CAVIN1: variants seen among roughly 807,000 people sequenced by gnomAD.
CAVIN1 encodes the protein caveolae-associated protein 1.
CAVIN1 carries 16 observed loss-of-function variants against 24.0 expected under a neutral mutation model. The observed-to-expected ratio is 0.67, with a 90% CI of 0.45 to 1.01. The LOEUF (loss-of-function observed/expected upper bound fraction) is 1.01. CAVIN1 is among the 50% of genes least tolerant of loss of function. CAVIN1 has a pLI of 0.00. For missense variants in CAVIN1, 510 were observed against 551.7 expected (o/e 0.92, Z 0.76); for synonymous variants, 256 against 256.4 (o/e 1.00, Z 0.02).
At chr17:42,420,077 T>TCTC (rs3030865) in intron 1 of CAVIN1, among the ~76,000 whole-genome samples, 36,953 of 151,830 alleles carry the variant, frequency 0.24, 4,731 homozygotes, top group South Asian at 0.41. Context: ...CCCTTGGTGT[T>TCTC]CTCTGCCCCG....
Position 42,405,384 on chromosome 17 carries a change from T to G in CAVIN1, c.476A>C (p.Glu159Ala). Residue 159 changes from glutamate to alanine, a missense_variant, in exon 2 of 2, where the codon GAA becomes GCA. Physicochemically the swap from Glu to Ala is moderately radical, Grantham distance 107 (BLOSUM62 -1). Transcript: ENST00000357037. ...RNFKVMIYQD[E>A]VKLPAKLSIS... ...GCTCAGTTTGGCCGGCAGCTTCACT[T>G]CATCCTAAGGGAAGAGGAGAAGGGA... 1.2e-6 allele frequency: 2 copies of G among 1,604,222 alleles called. No homozygotes were observed. Among genetic ancestry groups the G allele is most frequent in the Non-Finnish European group, 1.7e-6 (2 of 1,179,934 alleles).
At chr17:42,405,691 T>TG (rs1555586088) in intron 1 of CAVIN1, among the ~76,000 whole-genome samples, 18 of 56,576 alleles carry the variant, frequency 3.2e-4, no homozygotes, top group East Asian at 8.4e-4. Context: ...TGTTTTTTTT[T>TG]TTTTTTTTTT....
rs1053908526 is a variant in CAVIN1, at chr17:42,422,917, T to C, written c.181A>G (p.Ile61Val). ...TGGATCTGGTCTACGGCCCCGATGA[T>C]TTTGTCCAGGAGGCTCAGCACCAGC... ...GVLVLSLLDK[I>V]IGAVDQIQLT... is the part of the protein sequence containing the mutation. The change falls in exon 1 of 2, where the codon ATC becomes GTC. Residue 61 changes from isoleucine (I) to valine (V), a missense_variant. Ile to Val is a conservative substitution (Grantham distance 29, BLOSUM62 3). Transcript: ENST00000357037. 5 of 1,613,996 alleles carry C rather than the reference T, an allele frequency of 3.1e-6. No individual in the cohort carries two copies. The highest frequency in any genetic ancestry group is 4.2e-6 in the Non-Finnish European group (5 of 1,179,984).
chr17:42,415,335 T>G (rs1032420377), intron 1 of CAVIN1, among the ~76,000 whole-genome samples: 3 of 152,218 alleles, frequency 2.0e-5, no homozygotes, highest in East Asian at 1.9e-4. Context: ...GGCTAGTGAC[T>G]TCCCCTCTCT....
intron 1 of CAVIN1, among the ~76,000 whole-genome samples, chr17:42,419,332 G>T (rs1016027405): frequency 6.9e-6 from 1 of 144,896 alleles, no homozygotes; most frequent in East Asian, 2.0e-4. Context: ...TATTATTTTT[G>T]AGATGGAGTC....
In CAVIN1 at chr17:42,404,810, CTCG is replaced by C. The variant is rs767832643; in HGVS notation, c.1047_1049del (p.Asp349del). On this transcript the variant is annotated inframe_deletion, in exon 2 of 2. Coordinates refer to ENST00000357037, the MANE Select transcript of CAVIN1 (RefSeq NM_012232.6). ...CGGCCTCCCCGCGCTCCGCGCCGCC[CTCG>C]TCGTCGTCGGCGCCCACCTCCACCA... 8.6e-5 allele frequency: 139 copies of C among 1,611,694 alleles called. No homozygotes were observed. The African/African-American group carries it at 9.3e-4, about 11-fold the overall frequency.
chr17:42,410,693 T>C (rs2085470018), intron 1 of CAVIN1, among the ~76,000 whole-genome samples: 1 of 150,968 alleles, frequency 6.6e-6, no homozygotes, highest in African/African-American at 2.4e-5. Context: ...GTGGGCAGAT[T>C]ACGAGGTCAG....
In CAVIN1 at chr17:42,423,087, G is replaced by A. The variant is rs2085567690; in HGVS notation, c.11C>T (p.Pro4Leu). ...CGGCCGCTCGACAATATAGAGCGTG[G>A]GGTCCTCCATGGCTACCCGGAGCCG... Reference protein sequence around the residue: MEDPTLYIVERPLP... With the variant: MEDLTLYIVERPLP... The change falls in exon 1 of 2, where the codon CCC (proline) becomes CTC (leucine). Residue 4 changes from proline (P) to leucine (L), a missense_variant. Coordinates refer to ENST00000357037, the MANE Select transcript of CAVIN1 (RefSeq NM_012232.6). The A allele has an allele frequency of 1.3e-6, 2 of 1,584,546 alleles. No individual in the cohort carries two copies. Among genetic ancestry groups the A allele is most frequent in the Admixed American group, 1.8e-5 (1 of 56,042 alleles).
chr17:42,417,965 C>T (rs1400611723), intron 1 of CAVIN1, among the ~76,000 whole-genome samples: 2 of 151,834 alleles, frequency 1.3e-5, no homozygotes. Flanking sequence ...ATGGCTATTG[C>T]ACCTTTTCTA....
chr17:42,420,952 T>G (rs2085541315), intron 1 of CAVIN1, among the ~76,000 whole-genome samples: 1 of 152,144 alleles, frequency 6.6e-6, no homozygotes, highest in Non-Finnish European at 1.5e-5. Flanking sequence ...ATGTCCCCAG[T>G]ACTAAGCAGG....
chr17:42,422,583 G>T, intron 1 of CAVIN1, 44 bp downstream of exon 1: 2 of 1,476,000 alleles, frequency 1.4e-6, no homozygotes, highest in Non-Finnish European at 1.8e-6. Context: ...GGGGACGCGG[G>T]CCGGGCGCGG....
intron 1 of CAVIN1, among the ~76,000 whole-genome samples, chr17:42,406,122 T>C (rs1035121448): frequency 3.3e-5 from 5 of 151,950 alleles, no homozygotes; most frequent in African/African-American, 1.2e-4. Context: ...TCTGTGGTCG[T>C]CCAACCCTGT....
intron 1 of CAVIN1, among the ~76,000 whole-genome samples, chr17:42,415,767 T>A (rs2085508263): frequency 6.6e-6 from 1 of 151,494 alleles, no homozygotes; most frequent in African/African-American, 2.4e-5. Flanking sequence ...AAGAAAAATT[T>A]AAAAAATGCT....
chr17:42,414,207 G>A (rs1332496643), intron 1 of CAVIN1, among the ~76,000 whole-genome samples: 3 of 152,018 alleles, frequency 2.0e-5, no homozygotes, highest in African/African-American at 7.2e-5. Flanking sequence ...AGATTAATCT[G>A]TTTTCATTCT....
At position 42,404,693 on chromosome 17, in the gene CAVIN1, G is replaced by A. The variant is rs1347532165; in HGVS notation, c.1167C>T (p.Ser389=). 6.2e-6 allele frequency: 9 copies of A among 1,461,880 alleles called. No individual in the cohort carries two copies. The highest frequency in any genetic ancestry group is 8.1e-6 in the Non-Finnish European group (9 of 1,112,494). The allele number at this position is 1,461,880 out of a possible 1,614,324, so 90.6% of individuals were successfully genotyped here. Residue 389 remains serine (S), a synonymous_variant, in exon 2 of 2, where the codon AGC becomes AGT. Coordinates refer to ENST00000357037, the MANE Select transcript of CAVIN1 (RefSeq NM_012232.6). ...GGGTGGCAGCGGGGGCGGCTCAGTCGCTGTCGCTCTTGTCCACCAGCACGG... is the reference window on the plus strand; with the variant it reads ...GGGTGGCAGCGGGGGCGGCTCAGTCACTGTCGCTCTTGTCCACCAGCACGG... ...SDAVLVDKSD[S]D
intron 1 of CAVIN1, among the ~76,000 whole-genome samples, chr17:42,406,970 T>G (rs1260664364): frequency 1.3e-5 from 2 of 152,126 alleles, no homozygotes; most frequent in African/African-American, 4.8e-5. Flanking sequence ...AAGCCTGAGC[T>G]CAGGGGTCTA....
At chr17:42,411,392 A>C (rs1412150576) in intron 1 of CAVIN1, 1 of 982,824 alleles carries the variant, frequency 1.0e-6, no homozygotes, top group Non-Finnish European at 1.2e-6. Flanking sequence ...CATCTCTAAA[A>C]AAAATTTTTT....
intron 1 of CAVIN1, among the ~76,000 whole-genome samples, chr17:42,419,882 C>CGT (rs5820458): frequency 0.082 from 11,849 of 143,660 alleles, 570 homozygotes; most frequent in African/African-American, 0.15. Flanking sequence ...TGCTGAATTT[C>CGT]GTGTGTGTGT....
intron 1 of CAVIN1, among the ~76,000 whole-genome samples, chr17:42,406,756 A>C (rs2085448967): frequency 6.7e-6 from 1 of 148,176 alleles, no homozygotes. Context: ...TGACTCCTTC[A>C]TACTGTTTGG....
Sources: gnomAD v4.1 joint callset for allele counts (sites outside exome capture counted in the v4.1 genomes callset) on GRCh38, gnomAD v4.1.1 for gene constraint, MANE v1.5 for transcripts, NCBI Gene and HGNC (gene_info 2026-07-23, HGNC 2026-07-21) for gene names.